SVIL: variants seen among roughly 807,000 people sequenced by gnomAD.
The protein encoded by SVIL is archvillin.
Under a neutral mutation model 240.4 loss-of-function variants are expected in SVIL, and 101 were observed. The ratio of observed to expected loss-of-function variants is 0.42; its 90% CI spans 0.36 to 0.50. The LOEUF is 0.50. Among genes scored for constraint, SVIL ranks in the 20% least tolerant of loss-of-function variants. The pLI, the probability that SVIL is intolerant of heterozygous loss-of-function variation, is 0.01. For synonymous variants in SVIL, 999 were observed against 1,100.0 expected, an observed-to-expected ratio of 0.91 and a Z score of 1.82; for missense variants, 2,512 against 2,818.7, an observed-to-expected ratio of 0.89 and a Z score of 2.46.
At chr10:29,529,928 T>C (rs1472085967) in intron 11 of SVIL, 84 bp from the exon 12 acceptor site, 2 of 1,409,284 alleles carry the variant, frequency 1.4e-6, no homozygotes, top group Non-Finnish European at 1.9e-6. Context: ...CCCAGCACTT[T>C]GGGAGGCTAA....
At chr10:29,505,344 C>A (rs1471086538) in intron 17 of SVIL, among the ~76,000 whole-genome samples, 1 of 146,886 alleles carries the variant, frequency 6.8e-6, no homozygotes, top group African/African-American at 2.7e-5. Flanking sequence ...TAATAATAAT[C>A]ATAATAATTT....
rs746465071 is a variant in SVIL at position 29,506,748 on chromosome 10, A to AC, written c.3516+5986_3516+5987insG. On this transcript the variant is annotated intron_variant, in intron 17 of 37. Coordinates refer to ENST00000355867, the MANE Select transcript of SVIL (RefSeq NM_021738.3). ...CTACGAAGGAGGGGACAGAGGCCCT[A>AC]GAGGGAGGGGACAGAGGCCCTAGAG... is the stretch of plus-strand genomic sequence containing the variant. 1.1e-4 allele frequency among the ~76,000 whole-genome samples: 15 copies of AC among 139,104 alleles called. 1 individual carries two copies. Among genetic ancestry groups the AC allele is most frequent in the South Asian group, 7.2e-4 (3 of 4,146 alleles). The allele number at this position is 139,104 out of a possible 152,430, so 91.3% of individuals were successfully genotyped here.
At chr10:29,602,454 C>T (rs1956851551) in intron 1 of SVIL, 1 of 285,460 alleles carries the variant, frequency 3.5e-6, no homozygotes, top group African/African-American at 2.2e-5. Context: ...TACACTCTTC[C>T]ATAAAAGGCC....
At chr10:29,481,161 TG>T (rs1292402062) in intron 28 of SVIL, among the ~76,000 whole-genome samples, 37 of 151,006 alleles carry the variant, frequency 2.5e-4, no homozygotes, top group African/African-American at 8.9e-4. Flanking sequence ...TGTGTGTGTG[TG>T]TGTGTTTGTT....
intron 17 of SVIL, among the ~76,000 whole-genome samples, chr10:29,500,324 C>A (rs183092899): frequency 1.3e-5 from 2 of 151,960 alleles, no homozygotes; most frequent in Admixed American, 1.3e-4. Flanking sequence ...CTGTTTATGG[C>A]GAGGCACTGG....
chr10:29,632,681 C>T (rs544498104), intron 1 of SVIL, among the ~76,000 whole-genome samples: 8 of 152,160 alleles, frequency 5.3e-5, no homozygotes, highest in Middle Eastern at 3.4e-3. Flanking sequence ...GCAAGCTGAG[C>T]GCATTAACCA....
At chr10:29,633,568 C>G (rs1958194195) in intron 1 of SVIL, among the ~76,000 whole-genome samples, 1 of 152,122 alleles carries the variant, frequency 6.6e-6, no homozygotes, top group African/African-American at 2.4e-5. Context: ...CAGTATTCAC[C>G]GATGAAGTTC....
At chr10:29,511,421 C>A (rs55796935) in intron 17 of SVIL, among the ~76,000 whole-genome samples, 2 of 128,396 alleles carry the variant, frequency 1.6e-5, no homozygotes, top group African/African-American at 5.6e-5. Flanking sequence ...AAATGATGGA[C>A]AAGGGGCCAG....
chr10:29,729,450 GGTGTGTGTGT>G (rs55940009), intron 1 of SVIL, among the ~76,000 whole-genome samples: 1,907 of 136,766 alleles, frequency 0.014, 41 homozygotes, highest in African/African-American at 0.041. Context: ...TGTTTATGGA[GGTGTGTGTGT>G]GTGTGTGTGT....
chr10:29,698,927 C>T (rs1440615475), intron 1 of SVIL, among the ~76,000 whole-genome samples: 1 of 152,184 alleles, frequency 6.6e-6, no homozygotes, highest in Non-Finnish European at 1.5e-5. Flanking sequence ...GCTGTGACTA[C>T]ACCTGTTTCC....
At chr10:29,712,197 G>A (rs748828991) in intron 1 of SVIL, among the ~76,000 whole-genome samples, 3 of 152,100 alleles carry the variant, frequency 2.0e-5, no homozygotes, top group Non-Finnish European at 2.9e-5. Context: ...CTTGTGCTGC[G>A]GTTTGGATAT....
At chr10:29,695,576 C>G (rs1961865558) in intron 1 of SVIL, among the ~76,000 whole-genome samples, 3 of 151,898 alleles carry the variant, frequency 2.0e-5, no homozygotes, top group African/African-American at 7.3e-5. Context: ...TGAAACCCGT[C>G]TCTACTAAAA....
intron 17 of SVIL, among the ~76,000 whole-genome samples, chr10:29,501,308 A>G (rs758152990): frequency 4.6e-5 from 7 of 151,378 alleles, no homozygotes; most frequent in Non-Finnish European, 7.4e-5. Context: ...TGGCCACCAT[A>G]TTGTGGTTAT....
At chr10:29,523,310 G>C (rs1319656344) in intron 15 of SVIL, 141 bp downstream of exon 15, 6 of 728,690 alleles carry the variant, frequency 8.2e-6, no homozygotes, top group Non-Finnish European at 1.1e-5. Flanking sequence ...GGGAAGAATA[G>C]GATTCCCGCT....
chr10:29,695,825 C>T (rs975532858), intron 1 of SVIL, among the ~76,000 whole-genome samples: 1 of 130,666 alleles, frequency 7.7e-6, no homozygotes, highest in Non-Finnish European at 1.7e-5. Flanking sequence ...CTCCCGTCTC[C>T]CTCTCCCTCT....
At chr10:29,519,633 G>T (rs2368395) in intron 16 of SVIL, among the ~76,000 whole-genome samples, 65,598 of 152,070 alleles carry the variant, frequency 0.43, 14,788 homozygotes, top group African/African-American at 0.54. Context: ...AAAGTACTGT[G>T]AAGGTAAGGG....
intron 3 of SVIL, among the ~76,000 whole-genome samples, chr10:29,648,177 C>T (rs913719128): frequency 6.6e-6 from 1 of 152,196 alleles, no homozygotes; most frequent in Non-Finnish European, 1.5e-5. Context: ...GGCATCTACC[C>T]AAAGCCTTTG....
At position 29,582,655 on chromosome 10, in the gene SVIL, C is replaced by T. The variant is rs577130213; in HGVS notation, c.-200-13343G>A. On this transcript the variant is annotated intron_variant, in intron 1 of 37. Coordinates refer to ENST00000355867, the MANE Select transcript of SVIL (RefSeq NM_021738.3). ...GCTGAGAAGTGAGGATTACTTAAGC[C>T]CAGAAATTTGAGGCTGTGGTGAGCT... Among the ~76,000 whole-genome samples the T allele has an allele frequency of 1.2e-3, 177 of 151,766 alleles. 4 individuals are homozygous for T. The South Asian group carries it at 0.035, about 30-fold the overall frequency.
At chr10:29,632,605 CAGTCTGTCTCCAA>C (rs981323573) in intron 1 of SVIL, among the ~76,000 whole-genome samples, 1 of 151,994 alleles carries the variant, frequency 6.6e-6, no homozygotes, top group Non-Finnish European at 1.5e-5. Context: ...TATCACAAAA[CAGTCTGTCTCCAA>C]AGTAGAAGCA....
Sources: allele counts gnomAD v4.1 joint callset (sites outside exome capture counted in the v4.1 genomes callset), GRCh38; gene constraint gnomAD v4.1.1; transcripts MANE v1.5; gene names NCBI Gene and HGNC (gene_info 2026-07-23, HGNC 2026-07-21).